The following RGS20 variants were observed in gnomAD, a reference collection of about 807,000 sequenced individuals.
The protein encoded by RGS20 is regulator of G protein signaling 20.
RGS20 carries 30 observed loss-of-function variants against 33.6 expected under a neutral mutation model. The observed-to-expected ratio is 0.89, with a 90% CI of 0.67 to 1.21. The LOEUF (loss-of-function observed/expected upper bound fraction) is 1.21, where lower values mean the gene tolerates loss of function less well. Ranked by LOEUF, RGS20 falls within the 50% of genes most tolerant of loss-of-function variation. The pLI is 0.00. For synonymous variants in RGS20, 208 were observed against 197.9 expected, an observed-to-expected ratio of 1.05 and a Z score of -0.43; for missense variants, 472 against 502.4, an observed-to-expected ratio of 0.94 and a Z score of 0.58.
intron 1 of RGS20, among the ~76,000 whole-genome samples, chr8:53,868,835 T>C (rs1442246434): frequency 6.6e-6 from 1 of 152,100 alleles, no homozygotes; most frequent in Non-Finnish European, 1.5e-5. Context: ...TCACTGCAAC[T>C]TCCACCTCCC....
intron 4 of RGS20, among the ~76,000 whole-genome samples, chr8:53,948,577 CTA>C (rs1435439633): frequency 1.2e-4 from 8 of 64,214 alleles, no homozygotes; most frequent in Non-Finnish European, 2.1e-4. Flanking sequence ...TTTACATATG[CTA>C]TATATGATAC....
chr8:53,939,925 A>T (rs987923006), intron 3 of RGS20, among the ~76,000 whole-genome samples: 1 of 152,210 alleles, frequency 6.6e-6, no homozygotes. Context: ...CAAGGGGTTT[A>T]TGCTCAGATC....
intron 2 of RGS20, among the ~76,000 whole-genome samples, chr8:53,918,831 C>G (rs1813568922): frequency 6.6e-6 from 1 of 152,202 alleles, no homozygotes; most frequent in Non-Finnish European, 1.5e-5. Flanking sequence ...TGTTTTTCCA[C>G]TTTGTGACCA....
At chr8:53,916,851 G>A (rs1230473354) in intron 2 of RGS20, among the ~76,000 whole-genome samples, 1 of 152,102 alleles carries the variant, frequency 6.6e-6, no homozygotes, top group Non-Finnish European at 1.5e-5. Flanking sequence ...GCTGCTTCCT[G>A]GTTGCCAGAA....
chr8:53,875,683 C>T (rs1812191651), intron 1 of RGS20, among the ~76,000 whole-genome samples: 1 of 152,148 alleles, frequency 6.6e-6, no homozygotes, highest in African/African-American at 2.4e-5. Flanking sequence ...GCCTCCATTA[C>T]ACAACATTTC....
intron 3 of RGS20, among the ~76,000 whole-genome samples, chr8:53,944,078 T>TAAAAG (rs34523377): frequency 6.6e-6 from 1 of 151,354 alleles, no homozygotes; most frequent in Non-Finnish European, 1.5e-5. Context: ...TTTTATAAAA[T>TAAAAG]AGTGTTAAGA....
At chr8:53,956,315 C>T (rs1585968709) in intron 5 of RGS20, among the ~76,000 whole-genome samples, 1 of 152,042 alleles carries the variant, frequency 6.6e-6, no homozygotes, top group East Asian at 1.9e-4. Flanking sequence ...AAGGGGTAGT[C>T]GGAGAGCATG....
chr8:53,917,565 T>C (rs893970964), intron 2 of RGS20, among the ~76,000 whole-genome samples: 3 of 152,248 alleles, frequency 2.0e-5, no homozygotes, highest in Non-Finnish European at 4.4e-5. Flanking sequence ...CTTTTACCTT[T>C]AAACAGCATT....
intron 2 of RGS20, among the ~76,000 whole-genome samples, chr8:53,884,191 C>CTTTTTTTTTTTTTTT (rs4014055): frequency 6.8e-5 from 7 of 103,478 alleles, no homozygotes; most frequent in African/African-American, 2.7e-4. Flanking sequence ...GAAAAACAGT[C>CTTTTTTTTTTTTTTT]TTTTTTTTTT....
At chr8:53,885,455 A>T (rs1812514214) in intron 2 of RGS20, among the ~76,000 whole-genome samples, 1 of 152,184 alleles carries the variant, frequency 6.6e-6, no homozygotes. Flanking sequence ...CTACTAAAAA[A>T]TACAAAAAAT....
At chr8:53,853,681 A>T (rs1248987564) in intron 1 of RGS20, among the ~76,000 whole-genome samples, 3 of 152,256 alleles carry the variant, frequency 2.0e-5, no homozygotes, top group African/African-American at 7.2e-5. Flanking sequence ...TACTAACTGC[A>T]AAACCTTGGG....
At chr8:53,949,501 G>A (rs1203989235) in intron 4 of RGS20, among the ~76,000 whole-genome samples, 2 of 151,884 alleles carry the variant, frequency 1.3e-5, no homozygotes, top group African/African-American at 4.8e-5. Context: ...CGGATCACCT[G>A]AGGTCAGGAG....
At chr8:53,947,456 CTA>C (rs1480268705) in intron 4 of RGS20, among the ~76,000 whole-genome samples, 1 of 135,908 alleles carries the variant, frequency 7.4e-6, no homozygotes, top group Non-Finnish European at 1.5e-5. Context: ...TTTATATATG[CTA>C]TATATAAGAT....
At chr8:53,953,721 C>T (rs1814778685) in intron 4 of RGS20, among the ~76,000 whole-genome samples, 1 of 152,136 alleles carries the variant, frequency 6.6e-6, no homozygotes, top group African/African-American at 2.4e-5. Flanking sequence ...GAACTCATCA[C>T]AGATGATTAG....
intron 2 of RGS20, among the ~76,000 whole-genome samples, chr8:53,931,321 C>T (rs146338534): frequency 0.016 from 2,404 of 152,166 alleles, 52 homozygotes; most frequent in African/African-American, 0.054. Context: ...CTTTGAGAGG[C>T]CAAGGTGGGC....
chr8:53,873,673 A>G (rs1397343596), intron 1 of RGS20, among the ~76,000 whole-genome samples: 2 of 152,228 alleles, frequency 1.3e-5, no homozygotes, highest in Non-Finnish European at 1.5e-5. Context: ...TCTAGATTCT[A>G]TGGAGGGAGC....
intron 2 of RGS20, among the ~76,000 whole-genome samples, chr8:53,881,428 T>G (rs965373660): frequency 1.3e-5 from 2 of 152,018 alleles, no homozygotes; most frequent in South Asian, 2.1e-4. Context: ...AGAAATCGCA[T>G]TGACCACCCG....
At chr8:53,898,275 AG>A (rs1411253171) in intron 2 of RGS20, among the ~76,000 whole-genome samples, 6 of 152,196 alleles carry the variant, frequency 3.9e-5, no homozygotes, top group African/African-American at 1.4e-4. Context: ...AGAGGATACC[AG>A]ATGTTACCCA....
In RGS20 at chr8:53,954,162, G is replaced by A. The variant is rs767446770; in HGVS notation, c.830G>A (p.Arg277His). ...ACTCCAGCAGGAAGGAATGCATTCC[G>A]TGAATTCCTCCGAACAGAATTCAGT... Residue 277 changes from arginine (R) to histidine (H), a missense_variant, in exon 5 of 6, where the codon CGT (arginine) becomes CAT (histidine). Arg to His is a conservative substitution (Grantham distance 29). This residue lies in a region of RGS20 where 125 missense variants were observed against 169.5 expected (regional missense o/e 0.74). Transcript: ENST00000297313. 2.5e-6 allele frequency: 4 copies of A among 1,613,768 alleles called. No homozygotes were observed. Among genetic ancestry groups the A allele is most frequent in the Non-Finnish European group, 2.5e-6 (3 of 1,179,738 alleles).
Sources: allele counts gnomAD v4.1 joint callset (sites outside exome capture counted in the v4.1 genomes callset), GRCh38; gene constraint gnomAD v4.1.1; regional missense constraint gnomAD v4.1.1; transcripts MANE v1.5; gene names NCBI Gene and HGNC (gene_info 2026-07-23, HGNC 2026-07-21).